Variants in PKD1L1 observed in about 807,000 individuals in gnomAD.
PKD1L1 encodes polycystin-1-like protein 1.
Under a neutral mutation model 323.4 loss-of-function variants are expected in PKD1L1, and 236 were observed. That is an observed-to-expected ratio of 0.73 (90% confidence interval 0.66 to 0.81). The LOEUF is 0.81. Among genes scored for constraint, PKD1L1 ranks in the 40% least tolerant of loss-of-function variants. The probability of loss-of-function intolerance (pLI) is 0.00; values close to 1 mark genes in which losing one functional copy is unlikely to be tolerated. For missense variants in PKD1L1, 3,320 were observed against 3,508.0 expected (o/e 0.95, Z 1.35); for synonymous variants, 1,344 against 1,335.0 (o/e 1.01, Z -0.15).
Position 47,943,501 on chromosome 7 carries a change from C to A in PKD1L1, c.55G>T (p.Ala19Ser). 1 of 1,612,174 alleles carries A rather than the reference C, an allele frequency of 6.2e-7. No individual in the cohort carries two copies. Among genetic ancestry groups the A allele is most frequent in the Non-Finnish European group, 8.5e-7 (1 of 1,178,718 alleles). ...ISDDQERCLQ[A>S]ACCLSFGGEL... Reference sequence around the variant, plus strand: ...CCACCAAAGGAAAGGCAGCAGGCAGCCTGGAGACACCTAAGGGAAAGAAAA... The same window carrying A: ...CCACCAAAGGAAAGGCAGCAGGCAGACTGGAGACACCTAAGGGAAAGAAAA... Residue 19 changes from alanine to serine, a missense_variant, in exon 2 of 57, where the codon GCT (alanine) becomes TCT (serine). Coordinates refer to ENST00000289672, the MANE Select transcript of PKD1L1 (RefSeq NM_138295.5).
At chr7:47,936,744 G>T in intron 4 of PKD1L1, 102 bp downstream of exon 4, 1 of 900,436 alleles carries the variant, frequency 1.1e-6, no homozygotes, top group Non-Finnish European at 1.7e-6. Flanking sequence ...CTCGGGCCAT[G>T]TAGGAACAAG....
Position 47,800,712 on chromosome 7 carries a change from C to G in PKD1L1, c.8130G>C (p.Gln2710His), listed in dbSNP as rs146576726. ...DCLLGLSKSDQRAMACYFGIL... is the reference protein window; with the variant it reads ...DCLLGLSKSDHRAMACYFGIL... ...TCCCAAAGTAACAAGCCATGGCCCGCTGGTCAGACTTGGAAAGGCCAAGGA... is the reference window on the plus strand; with the variant it reads ...TCCCAAAGTAACAAGCCATGGCCCGGTGGTCAGACTTGGAAAGGCCAAGGA... The change falls in exon 54 of 57, where the codon CAG (glutamine) becomes CAC (histidine). Residue 2710 changes from glutamine (Q) to histidine (H), a missense_variant. Coordinates refer to ENST00000289672, the MANE Select transcript of PKD1L1 (RefSeq NM_138295.5). The G allele has an allele frequency of 0.023, 36,379 of 1,614,188 alleles. 693 individuals are homozygous for G. Among genetic ancestry groups the G allele is most frequent in the South Asian group, 0.073 (6,638 of 91,084 alleles).
At chr7:47,800,476 C>T (rs1018801975) in intron 54 of PKD1L1, among the ~76,000 whole-genome samples, 173 bp downstream of exon 54, 6 of 152,194 alleles carry the variant, frequency 3.9e-5, no homozygotes, top group African/African-American at 9.7e-5. Context: ...GTCAAACCAA[C>T]TGTGTTTGAC....
chr7:47,947,696 G>A (rs1231570988), intron 1 of PKD1L1, among the ~76,000 whole-genome samples: 5 of 152,224 alleles, frequency 3.3e-5, no homozygotes, highest in African/African-American at 7.2e-5. Context: ...GGCTGGGTGC[G>A]GTGGCTTATG....
intron 31 of PKD1L1, 40 bp downstream of exon 31, chr7:47,853,087 T>C (rs755828172): frequency 1.1e-5 from 15 of 1,373,186 alleles, no homozygotes; most frequent in Non-Finnish European, 1.5e-5. Flanking sequence ...GTTTTAATCA[T>C]GTAAACAGAA....
At chr7:47,955,298 A>G in the PKD1L1 span, among the ~76,000 whole-genome samples, 1 of 152,260 alleles carries the variant, frequency 6.6e-6, no homozygotes. Context: ...CTGAAGTCCA[A>G]TGTTCGGGAA....
At position 47,811,042 on chromosome 7, in the gene PKD1L1, C is replaced by T. The variant is rs952411798; in HGVS notation, c.7581+775G>A. On this transcript the variant is annotated intron_variant, in intron 50 of 56. Transcript: ENST00000289672. ...ACAAAGAAGAGGTTCTGTGAGCACACCGTGAGAAGGCGGCCATCTCCCAGG... is the reference window on the plus strand; with the variant it reads ...ACAAAGAAGAGGTTCTGTGAGCACATCGTGAGAAGGCGGCCATCTCCCAGG... Among the ~76,000 whole-genome samples, 6 of 152,294 alleles carry T rather than the reference C, an allele frequency of 3.9e-5. No individual in the cohort carries two copies. In the South Asian group the frequency reaches 8.3e-4, roughly 21 times the overall value.
rs564752270 is a variant in PKD1L1, at chr7:47,840,943, G to A, written c.5446-376C>T. Among the ~76,000 whole-genome samples, 4 of 152,314 alleles carry A rather than the reference G, an allele frequency of 2.6e-5. No individual in the cohort carries two copies. The South Asian group carries it at 8.3e-4, about 32-fold the overall frequency. On this transcript the variant is annotated intron_variant, in intron 34 of 56. Coordinates refer to ENST00000289672, the MANE Select transcript of PKD1L1 (RefSeq NM_138295.5). The surrounding 1 kb of genome is among the most constrained non-coding windows in gnomAD (Gnocchi z 4.1). ...AGGGAGATGCCAGAGGAGCCTGGAC[G>A]CAGAGTAGGGTACCCATGCACCTGT... is the stretch of plus-strand genomic sequence containing the variant.
chr7:47,795,936 A>G (rs1584947801), intron 55 of PKD1L1, 53 bp downstream of exon 55: 1 of 1,560,762 alleles, frequency 6.4e-7, no homozygotes, highest in South Asian at 1.2e-5. Flanking sequence ...CAATGAAACC[A>G]TCATCTTGAG....
In PKD1L1 at chr7:47,888,095, C is replaced by T. The variant is rs746471554; in HGVS notation, c.2731G>A (p.Glu911Lys). ...FKDTFVNWND[E>K]LSLQAMCEDC... is the part of the protein sequence containing the mutation. Reference sequence around the variant, plus strand: ...TCACACATAGCTTGAAGAGAGAGTTCGTCATTCCAGTTGACGAAGGTGTCT... The same window carrying T: ...TCACACATAGCTTGAAGAGAGAGTTTGTCATTCCAGTTGACGAAGGTGTCT... Residue 911 changes from glutamate (E) to lysine (K), a missense_variant, in exon 17 of 57, where the codon GAA becomes AAA. Transcript: ENST00000289672. The T allele has an allele frequency of 2.1e-5, 34 of 1,613,974 alleles. No homozygotes were observed. The highest frequency in any genetic ancestry group is 2.7e-5 in the Non-Finnish European group (32 of 1,179,894).
At chr7:47,843,219 T>C in intron 33 of PKD1L1, 50 bp from the exon 34 acceptor site, 5 of 1,447,652 alleles carry the variant, frequency 3.5e-6, no homozygotes, top group African/African-American at 1.4e-5. Flanking sequence ...AAAATAGACA[T>C]ATAGGAAAAG....
intron 13 of PKD1L1, among the ~76,000 whole-genome samples, chr7:47,899,798 T>A (rs1231407809): frequency 6.6e-6 from 1 of 151,696 alleles, no homozygotes; most frequent in African/African-American, 2.4e-5. Flanking sequence ...TTACTAAAAA[T>A]ACAAAAAATT....
chr7:47,874,485 C>T (rs1010012916), intron 23 of PKD1L1, among the ~76,000 whole-genome samples: 15 of 152,128 alleles, frequency 9.9e-5, no homozygotes, highest in Non-Finnish European at 1.5e-5. Flanking sequence ...ACATTTTCAA[C>T]CTGAAACTCA....
intron 20 of PKD1L1, 145 bp downstream of exon 20, chr7:47,881,764 C>T (rs921500798): frequency 3.8e-6 from 3 of 789,056 alleles, no homozygotes; most frequent in Non-Finnish European, 5.9e-6. Context: ...GGCCATAGTC[C>T]ATAGAAGAAC....
At chr7:47,830,229 C>A in intron 42 of PKD1L1, 105 bp from the exon 43 acceptor site, 1 of 914,974 alleles carries the variant, frequency 1.1e-6, no homozygotes. Context: ...GGCCTATGGC[C>A]TCGCCGTGGC....
chr7:47,822,160 T>C (rs958263270), intron 45 of PKD1L1, among the ~76,000 whole-genome samples: 2 of 152,248 alleles, frequency 1.3e-5, no homozygotes, highest in African/African-American at 4.8e-5. Context: ...TTTCTGCAGC[T>C]GTATAGTATG....
At chr7:47,928,155 G>A (rs1475669254) in intron 7 of PKD1L1, among the ~76,000 whole-genome samples, 1 of 152,216 alleles carries the variant, frequency 6.6e-6, no homozygotes, top group African/African-American at 2.4e-5. Context: ...AAAGATATAA[G>A]AAGTAGAAGG....
intron 3 of PKD1L1, among the ~76,000 whole-genome samples, chr7:47,939,585 C>T (rs1787941143): frequency 6.6e-6 from 1 of 152,194 alleles, no homozygotes; most frequent in Admixed American, 6.5e-5. Flanking sequence ...GGCCTTCAGA[C>T]CCAAGCCCTG....
chr7:47,852,976 A>G (rs1420184189), intron 31 of PKD1L1, 151 bp downstream of exon 31: 1 of 630,234 alleles, frequency 1.6e-6, no homozygotes, highest in Non-Finnish European at 2.9e-6. Context: ...TGTGGGATCT[A>G]TAGTGGAGCA....
Sources: allele counts gnomAD v4.1 joint callset (sites outside exome capture counted in the v4.1 genomes callset), GRCh38; gene constraint gnomAD v4.1.1; non-coding constraint Gnocchi (gnomAD v3.1); transcripts MANE v1.5; gene names NCBI Gene and HGNC (gene_info 2026-07-23, HGNC 2026-07-21).